Variants in ATRAID observed in about 807,000 individuals in gnomAD.
The protein encoded by ATRAID is all-trans retinoic acid induced differentiation factor.
In ATRAID, 26 loss-of-function variants were observed where a neutral mutation model predicts 28.8. That is an observed-to-expected ratio of 0.90 (90% CI 0.66 to 1.25). The LOEUF (loss-of-function observed/expected upper bound fraction) is 1.25. Ranked by LOEUF, ATRAID falls within the 50% of genes most tolerant of loss-of-function variation. ATRAID has a pLI of 0.00. For synonymous variants in ATRAID, 131 were observed against 108.5 expected (o/e 1.21, Z -1.29); for missense variants, 308 against 285.9 (o/e 1.08, Z -0.56).
intron 2 of ATRAID, among the ~76,000 whole-genome samples, chr2:27,215,082 G>A (rs1042133654): frequency 1.4e-4 from 22 of 152,156 alleles, no homozygotes; most frequent in Non-Finnish European, 2.8e-4. Flanking sequence ...TTACAGGAGT[G>A]AGTCACTACA....
rs1431676156 is a variant in ATRAID at position 27,216,681 on chromosome 2, AAGG to A, written c.585+64_585+66del. ...AATGCATAGAGCAAGTCTTCTCAGAAAGGAGAGCCACAAGACCAGGAGCTGATA... is the reference window on the plus strand; with the variant it reads ...AATGCATAGAGCAAGTCTTCTCAGAAAGAGCCACAAGACCAGGAGCTGATA... On this transcript the variant is annotated intron_variant, in intron 6 of 6. Transcript: ENST00000380171. 1.7e-5 allele frequency: 26 copies of A among 1,517,654 alleles called. No individual in the cohort carries two copies. The Admixed American group carries it at 3.6e-4, about 21-fold the overall frequency. The allele number at this position is 1,517,654 out of a possible 1,614,324, so 94.0% of individuals were successfully genotyped here.
intron 1 of ATRAID, 107 bp from the exon 2 acceptor site, chr2:27,213,070 T>G: frequency 2.0e-5 from 28 of 1,387,716 alleles, no homozygotes; most frequent in East Asian, 7.1e-5. Context: ...ATCGGCCCCG[T>G]GTTAGAGGAA....
Position 27,212,049 on chromosome 2 carries a change from GC to G in ATRAID, c.-319del. On this transcript the variant is annotated 5_prime_UTR_variant, in exon 1 of 7. Transcript: ENST00000380171. ...GGCGGATGGAGGGGCCCGAGTTTCT[GC>G]GAAGCCGCGACCTCGGCGTCCGGAC... 3 of 1,025,990 alleles carry G rather than the reference GC, an allele frequency of 2.9e-6. No individual in the cohort carries two copies. The highest frequency in any genetic ancestry group is 2.7e-6 in the Non-Finnish European group (2 of 729,312). The allele number at this position is 1,025,990 out of a possible 1,614,324, so 63.6% of individuals were successfully genotyped here.
At position 27,215,411 on chromosome 2, in the gene ATRAID, C is replaced by G. The variant is rs778084612; in HGVS notation, c.293+19C>G. 20 of 1,614,008 alleles carry G rather than the reference C, an allele frequency of 1.2e-5. No individual in the cohort carries two copies. In the South Asian group the frequency reaches 2.0e-4, roughly 16 times the overall value. On this transcript the variant is annotated intron_variant, in intron 3 of 6. Coordinates refer to ENST00000380171, the MANE Select transcript of ATRAID (RefSeq NM_001170795.4). ...TCATCATGTAAGTAGTTAGGTACCTCCCACCCAAAAGGCTAATATAATGTA... is the reference window on the plus strand; with the variant it reads ...TCATCATGTAAGTAGTTAGGTACCTGCCACCCAAAAGGCTAATATAATGTA...
rs201877637 is a variant in ATRAID, at chr2:27,213,202, T to C, written c.125T>C (p.Val42Ala). The C allele has an allele frequency of 3.1e-5, 50 of 1,614,148 alleles. No individual in the cohort carries two copies. The African/African-American group carries it at 5.7e-4, about 19-fold the overall frequency. The part of the protein sequence containing the change: ...PEICTQCPGS[V>A]QNLSKVAFYC... ...ATATGCACCCAATGTCCAGGGAGCG[T>C]GCAAAATTTGTCAAAAGTGGCCTTT... Residue 42 changes from valine to alanine, a missense_variant, in exon 2 of 7, where the codon GTG (valine) becomes GCG (alanine). Val to Ala is a moderately conservative substitution (Grantham distance 64). Transcript: ENST00000380171.
At chr2:27,213,740 A>G (rs1674712436) in intron 2 of ATRAID, among the ~76,000 whole-genome samples, 2 of 152,136 alleles carry the variant, frequency 1.3e-5, no homozygotes, top group Admixed American at 6.5e-5. Flanking sequence ...CATTATTTCC[A>G]ATTACTTGTC....
rs767715472 is a variant in ATRAID, at chr2:27,215,493, C to CCT, written c.313_314insCT (p.Leu105ProfsTer19). The CCT allele has an allele frequency of 6.2e-7, 1 of 1,614,238 alleles. No individual in the cohort carries two copies. Among genetic ancestry groups the CCT allele is most frequent in the Non-Finnish European group, 8.5e-7 (1 of 1,180,040 alleles). ...TTGCAGAGACCTGCAAGCAAACCCC[C>CCT]TCAAAGGTGACTTGGCCAACACCTT... On this transcript the variant is annotated frameshift_variant, in exon 4 of 7. Coordinates refer to ENST00000380171, the MANE Select transcript of ATRAID (RefSeq NM_001170795.4). LOFTEE classifies it high-confidence loss of function.
At chr2:27,214,079 T>G (rs1318795805) in intron 2 of ATRAID, among the ~76,000 whole-genome samples, 3 of 152,220 alleles carry the variant, frequency 2.0e-5, no homozygotes, top group Non-Finnish European at 4.4e-5. Context: ...AAAAACTTCC[T>G]GTAATCTTTA....
In ATRAID at chr2:27,212,053, A is replaced by G. The variant is rs989510755; in HGVS notation, c.-316A>G. On this transcript the variant is annotated 5_prime_UTR_variant, in exon 1 of 7. Coordinates refer to ENST00000380171, the MANE Select transcript of ATRAID (RefSeq NM_001170795.4). The stretch of plus-strand genomic sequence containing the variant: ...GATGGAGGGGCCCGAGTTTCTGCGA[A>G]GCCGCGACCTCGGCGTCCGGACGCG... 2 of 1,052,290 alleles carry G rather than the reference A, an allele frequency of 1.9e-6. No individual in the cohort carries two copies. Among genetic ancestry groups the G allele is most frequent in the South Asian group, 1.6e-5 (1 of 60,974 alleles). The allele number at this position is 1,052,290 out of a possible 1,614,324, so 65.2% of individuals were successfully genotyped here. A position where few individuals can be genotyped will look rare whatever the true frequency, so the allele number is the denominator to read the frequency against.
chr2:27,212,449 G>T lies in ATRAID; in HGVS notation c.81G>T (p.Arg27Ser). 1 of 1,563,352 alleles carries T rather than the reference G, an allele frequency of 6.4e-7. No individual in the cohort carries two copies. Among genetic ancestry groups the T allele is most frequent in the Non-Finnish European group, 8.7e-7 (1 of 1,155,166 alleles). Reference protein sequence around the residue: ...AALLLALGVERALALPEICTQ... With the variant: ...AALLLALGVESALALPEICTQ... ...TGCTCCTCGCTCTGGGCGTGGAAAG[G>T]GCTCTGGCGCTACCCGAGGTACAGA... Residue 27 changes from arginine to serine, a missense_variant, in exon 1 of 7, where the codon AGG becomes AGT. Arg to Ser is a moderately radical substitution (Grantham distance 110, BLOSUM62 -1). Transcript: ENST00000380171.
Position 27,212,999 on chromosome 2 carries a change from A to G in ATRAID, c.100-178A>G, listed in dbSNP as rs541989652. 2.1e-5 allele frequency: 15 copies of G among 722,640 alleles called. No homozygotes were observed. In the Admixed American group the frequency reaches 3.6e-4, roughly 17 times the overall value. 44.8% of individuals were successfully genotyped at this position (722,640 alleles called of 1,614,324 possible). ...TGATTCGGCGCAGGACTCTGGAGGA[A>G]GAGATGGCATCTCCTAGCCTAGCCT... On this transcript the variant is annotated intron_variant, in intron 1 of 6. Transcript: ENST00000380171.
chr2:27,216,069 T>C (rs1183584573), intron 5 of ATRAID, among the ~76,000 whole-genome samples: 1 of 152,162 alleles, frequency 6.6e-6, no homozygotes, highest in Non-Finnish European at 1.5e-5. Context: ...GGGTAGGCAG[T>C]GGAGTTAGGA....
Position 27,217,125 on chromosome 2 carries a change from G to T in ATRAID, c.*177G>T. On this transcript the variant is annotated 3_prime_UTR_variant, in exon 7 of 7. Coordinates refer to ENST00000380171, the MANE Select transcript of ATRAID (RefSeq NM_001170795.4). ...TAGACAAATACCAGTTCCCATTGGT[G>T]TTGTTGCCTATAATAAACACTTTTT... is the stretch of plus-strand genomic sequence containing the variant. 1 of 561,470 alleles carries T rather than the reference G, an allele frequency of 1.8e-6. No individual in the cohort carries two copies. Among genetic ancestry groups the T allele is most frequent in the South Asian group, 2.5e-5 (1 of 40,384 alleles). 34.8% of individuals were successfully genotyped at this position (561,470 alleles called of 1,614,324 possible).
intron 5 of ATRAID, 109 bp downstream of exon 5, chr2:27,215,862 G>A (rs1302871700): frequency 7.1e-6 from 10 of 1,405,748 alleles, no homozygotes; most frequent in Admixed American, 2.1e-5. Context: ...CAGAGTTCTG[G>A]GGCTATAACC....
chr2:27,213,382 C>T lies in ATRAID; in HGVS notation c.221+84C>T, dbSNP rs1049951367. On this transcript the variant is annotated intron_variant, in intron 2 of 6. Transcript: ENST00000380171. ...TATACCCTTATATTATTTAAAGAAT[C>T]CACCTATTATGGTTTCAGCTGTAAT... The T allele has an allele frequency of 2.7e-6, 4 of 1,496,466 alleles. 1 individual carries two copies. Among genetic ancestry groups the T allele is most frequent in the Admixed American group, 4.4e-5 (2 of 45,398 alleles). 92.7% of individuals were successfully genotyped at this position (1,496,466 alleles called of 1,614,324 possible).
At chr2:27,216,366 G>A (rs1431688328) in intron 5 of ATRAID, 157 bp from the exon 6 acceptor site, 1 of 659,114 alleles carries the variant, frequency 1.5e-6, no homozygotes, top group Admixed American at 2.6e-5. Flanking sequence ...CTTGGGCTCA[G>A]AGGCCTGACA....
At chr2:27,214,082 A>G (rs1674731975) in intron 2 of ATRAID, among the ~76,000 whole-genome samples, 1 of 152,204 alleles carries the variant, frequency 6.6e-6, no homozygotes, top group Admixed American at 6.5e-5. Context: ...AACTTCCTGT[A>G]ATCTTTAGTG....
Position 27,215,547 on chromosome 2 carries a change from T to G in ATRAID, c.365+2T>G. On this transcript the variant is annotated splice_donor_variant, in intron 4 of 6. Transcript: ENST00000380171. LOFTEE classifies it high-confidence loss of function. ...TGGCTTTACTCAGCTCCAGACTCTGTGAGTAAGGGTATGGGAAGAGAATCA... is the reference window on the plus strand; with the variant it reads ...TGGCTTTACTCAGCTCCAGACTCTGGGAGTAAGGGTATGGGAAGAGAATCA... 6.2e-7 allele frequency: 1 copy of G among 1,614,144 alleles called. No homozygotes were observed. Among genetic ancestry groups the G allele is most frequent in the Non-Finnish European group, 8.5e-7 (1 of 1,180,010 alleles).
intron 5 of ATRAID, 132 bp downstream of exon 5, chr2:27,215,885 A>G (rs1674807661): frequency 8.3e-7 from 1 of 1,203,708 alleles, no homozygotes; most frequent in Non-Finnish European, 1.2e-6. Context: ...TTTGAAAGAA[A>G]AGATCTTAAG....
Sources: gnomAD v4.1 joint callset for allele counts (sites outside exome capture counted in the v4.1 genomes callset) on GRCh38, gnomAD v4.1.1 for gene constraint, MANE v1.5 for transcripts, NCBI Gene and HGNC (gene_info 2026-07-23, HGNC 2026-07-21) for gene names.